FAM216A: variants seen among roughly 807,000 people sequenced by gnomAD.
FAM216A encodes protein FAM216A.
In FAM216A, 26 loss-of-function variants were observed where a neutral mutation model predicts 37.6. That is an observed-to-expected ratio of 0.69 (90% CI 0.51 to 0.96). FAM216A has a LOEUF of 0.96. FAM216A is among the 40% of genes least tolerant of loss of function. FAM216A has a pLI of 0.00. For synonymous variants in FAM216A, 110 were observed against 121.7 expected (o/e 0.90, Z 0.64); for missense variants, 326 against 339.3 (o/e 0.96, Z 0.31).
At chr12:110,481,742 TAATATGCATCTCAGA>T (rs1457769555) in intron 2 of FAM216A, among the ~76,000 whole-genome samples, 4 of 152,158 alleles carry the variant, frequency 2.6e-5, no homozygotes, top group African/African-American at 9.6e-5. Flanking sequence ...GTCCAAAATA[TAATATGCATCTCAGA>T]AATATTGTTT....
Position 110,468,960 on chromosome 12 carries a change from G to C in FAM216A, c.85G>C (p.Glu29Gln), listed in dbSNP as rs1473626029. 4 of 1,523,442 alleles carry C rather than the reference G, an allele frequency of 2.6e-6. No homozygotes were observed. The highest frequency in any genetic ancestry group is 4.9e-5 in the East Asian group (2 of 40,430). 94.4% of individuals were successfully genotyped at this position (1,523,442 alleles called of 1,614,324 possible). Residue 29 changes from glutamate to glutamine, a missense_variant, in exon 1 of 7, where the codon GAG becomes CAG. Coordinates refer to ENST00000377673, the MANE Select transcript of FAM216A (RefSeq NM_013300.3). ...PGQGPGSDWT[E>Q]RSSSAEPPAV... ...CCAGGGTCCGGGGTCCGACTGGACGGAGCGTAGCTCTTCTGCAGAGCCGCC... is the reference window on the plus strand; with the variant it reads ...CCAGGGTCCGGGGTCCGACTGGACGCAGCGTAGCTCTTCTGCAGAGCCGCC...
chr12:110,472,975 C>CA (rs879057348), intron 1 of FAM216A, 103 bp from the exon 2 acceptor site: 4,473 of 86,692 alleles, frequency 0.052, 330 homozygotes, highest in African/African-American at 0.074. Context: ...GACCCTGTCT[C>CA]AAAAAAAAAA....
chr12:110,486,705 GAAAC>G lies in FAM216A; in HGVS notation c.612_615del (p.Asn204LysfsTer4). On this transcript the variant is annotated frameshift_variant, in exon 5 of 7. Transcript: ENST00000377673. LOFTEE classifies it high-confidence loss of function. ...CAGCATTCCCTTTGGCGGCCAGTGA[GAAAC>G]AAAGAAGGGTCTGTTTCTTAGTGTA... 1.2e-6 allele frequency: 2 copies of G among 1,613,060 alleles called. No homozygotes were observed. Among genetic ancestry groups the G allele is most frequent in the Non-Finnish European group, 1.7e-6 (2 of 1,179,672 alleles).
intron 2 of FAM216A, among the ~76,000 whole-genome samples, chr12:110,482,255 T>C (rs1592980588): frequency 6.6e-6 from 1 of 151,996 alleles, no homozygotes; most frequent in African/African-American, 2.4e-5. Flanking sequence ...CTAACTTTTA[T>C]ATATTTTTAG....
At position 110,486,645 on chromosome 12, in the gene FAM216A, A is replaced by G; in HGVS notation, c.548A>G (p.Asp183Gly). 1 of 1,614,098 alleles carries G rather than the reference A, an allele frequency of 6.2e-7. No homozygotes were observed. Among genetic ancestry groups the G allele is most frequent in the Non-Finnish European group, 8.5e-7 (1 of 1,180,028 alleles). The change falls in exon 5 of 7, where the codon GAT becomes GGT. Residue 183 changes from aspartate (D) to glycine (G), a missense_variant. Transcript: ENST00000377673. ...GAGAGAGAGGACTCGGGGTCTTCTG[A>G]TATCGCAGCTGCATCTGCACCTGAA... ...QLEREDSGSSDIAAASAPEML... is the reference protein window; with the variant it reads ...QLEREDSGSSGIAAASAPEML...
At chr12:110,480,268 A>G (rs1164799589) in intron 2 of FAM216A, among the ~76,000 whole-genome samples, 1 of 131,198 alleles carries the variant, frequency 7.6e-6, no homozygotes, top group Non-Finnish European at 1.5e-5. Context: ...CAGTGGCACG[A>G]TCTTGGCTCA....
At chr12:110,479,179 T>TA (rs1196331967) in intron 2 of FAM216A, among the ~76,000 whole-genome samples, 1 of 149,580 alleles carries the variant, frequency 6.7e-6, no homozygotes, top group East Asian at 2.0e-4. Context: ...AAAAAAAAAA[T>TA]TATATATTTA....
At chr12:110,476,863 TTTTG>T (rs1565850798) in intron 2 of FAM216A, among the ~76,000 whole-genome samples, 1 of 151,100 alleles carries the variant, frequency 6.6e-6, no homozygotes, top group African/African-American at 2.4e-5. Context: ...GCCTGTGGGG[TTTTG>T]TTTGTTTGAG....
intron 2 of FAM216A, among the ~76,000 whole-genome samples, chr12:110,482,685 C>T (rs1347922308): frequency 1.3e-5 from 2 of 150,968 alleles, no homozygotes; most frequent in East Asian, 4.0e-4. Flanking sequence ...GTCCCAGCTA[C>T]TCGGGAGGCT....
chr12:110,476,367 T>C (rs1293920475), intron 2 of FAM216A, among the ~76,000 whole-genome samples: 1 of 151,816 alleles, frequency 6.6e-6, no homozygotes, highest in Non-Finnish European at 1.5e-5. Context: ...GCCCCGCTAA[T>C]TGTTTGAATT....
chr12:110,475,192 T>A (rs185208055), intron 2 of FAM216A, among the ~76,000 whole-genome samples: 20 of 152,328 alleles, frequency 1.3e-4, no homozygotes, highest in Admixed American at 3.9e-4. Flanking sequence ...ATTCATTCTA[T>A]TATTTAAAAT....
intron 2 of FAM216A, among the ~76,000 whole-genome samples, chr12:110,475,018 T>C (rs894583017): frequency 6.6e-6 from 1 of 152,008 alleles, no homozygotes; most frequent in African/African-American, 2.4e-5. Flanking sequence ...TTAAAAAAAA[T>C]TACTACTAGA....
rs571814275 is a variant in FAM216A at position 110,489,523 on chromosome 12, T to C, written c.704-496T>C. 5.9e-5 allele frequency among the ~76,000 whole-genome samples: 9 copies of C among 151,488 alleles called. No individual in the cohort carries two copies. In the South Asian group the frequency reaches 1.3e-3, roughly 21 times the overall value. On this transcript the variant is annotated intron_variant, in intron 6 of 6. Transcript: ENST00000377673. ...AAGTAGGGAAGTTAGGCCTTCTGAA[T>C]TGATATCCCATCACTGTATGACAGT...
At chr12:110,469,670 C>T (rs759013481) in intron 1 of FAM216A, among the ~76,000 whole-genome samples, 3 of 151,860 alleles carry the variant, frequency 2.0e-5, no homozygotes, top group South Asian at 2.1e-4. Context: ...CCACCACGCC[C>T]GGCTAATTTT....
intron 2 of FAM216A, among the ~76,000 whole-genome samples, chr12:110,475,653 C>G (rs1468255226): frequency 6.6e-6 from 1 of 151,710 alleles, no homozygotes; most frequent in Non-Finnish European, 1.5e-5. Context: ...CTAACTGCAG[C>G]CTCGACCTCC....
chr12:110,468,636 T>G, upstream of FAM216A: 1 of 1,537,164 alleles, frequency 6.5e-7, no homozygotes, highest in Non-Finnish European at 8.7e-7. Context: ...TTGGGGAGCA[T>G]GTATATTTCC....
At chr12:110,472,038 C>A (rs1173850878) in intron 1 of FAM216A, among the ~76,000 whole-genome samples, 1 of 151,742 alleles carries the variant, frequency 6.6e-6, no homozygotes, top group Non-Finnish European at 1.5e-5. Flanking sequence ...TTGAGACCGG[C>A]CTGGCCAACA....
chr12:110,468,481 A>G, upstream of FAM216A: 3 of 1,537,134 alleles, frequency 2.0e-6, no homozygotes, highest in Non-Finnish European at 1.7e-6. Flanking sequence ...CCTGAGTAAT[A>G]ACGGACAACA....
chr12:110,478,268 T>C (rs941411605), intron 2 of FAM216A, among the ~76,000 whole-genome samples: 2 of 152,166 alleles, frequency 1.3e-5, no homozygotes, highest in Admixed American at 1.3e-4. Flanking sequence ...TTTGAAAACT[T>C]TTATCTTTTA....
Sources: allele counts gnomAD v4.1 joint callset (sites outside exome capture counted in the v4.1 genomes callset), GRCh38; gene constraint gnomAD v4.1.1; transcripts MANE v1.5; gene names NCBI Gene and HGNC (gene_info 2026-07-23, HGNC 2026-07-21).